The following MSANTD7 variants were observed in gnomAD, a reference collection of about 807,000 sequenced individuals.
The protein encoded by MSANTD7 is zinc finger and SCAN domain containing 29.
chr10:14,839,231 G>A, the MSANTD7 span, among the ~76,000 whole-genome samples: 1 of 152,196 alleles, frequency 6.6e-6, no homozygotes, highest in African/African-American at 2.4e-5. Context: ...AATGTCAAAT[G>A]ACTTGTTAGG....
the MSANTD7 span, chr10:14,846,508 A>G: frequency 4.1e-6 from 4 of 985,398 alleles, no homozygotes; most frequent in Non-Finnish European, 4.8e-6. Context: ...GGAAATTGGA[A>G]TACAGGGAGA....
the MSANTD7 span, chr10:14,846,042 A>G: frequency 7.2e-6 from 7 of 968,498 alleles, no homozygotes; most frequent in Non-Finnish European, 7.4e-6. Flanking sequence ...TACTGGTAAC[A>G]ATTTTAAGGT....
At chr10:14,839,750 A>G in the MSANTD7 span, among the ~76,000 whole-genome samples, 1 of 152,208 alleles carries the variant, frequency 6.6e-6, no homozygotes, top group Admixed American at 6.5e-5. Flanking sequence ...GCTTTCTATG[A>G]AAACGAGGAA....
the MSANTD7 span, chr10:14,842,466 A>T: frequency 2.0e-6 from 3 of 1,536,174 alleles, no homozygotes; most frequent in Non-Finnish European, 2.6e-6. The surrounding 1 kb of genome is among the most constrained non-coding windows in gnomAD (Gnocchi z 5.2). Context: ...ACCGAACGTC[A>T]GTGCCGCTCC....
the MSANTD7 span, among the ~76,000 whole-genome samples, chr10:14,843,157 A>G: frequency 6.6e-6 from 1 of 152,200 alleles, no homozygotes; most frequent in Non-Finnish European, 1.5e-5. Context: ...GCTATGTACA[A>G]AGGGGTTCAG....
the MSANTD7 span, chr10:14,839,847 A>G: frequency 1.5e-6 from 2 of 1,298,576 alleles, no homozygotes; most frequent in Admixed American, 1.8e-5. Flanking sequence ...ACTGGTGCAC[A>G]AATGCACACG....
At chr10:14,842,079 G>A in the MSANTD7 span, 1 of 1,376,190 alleles carries the variant, frequency 7.3e-7, no homozygotes, top group Non-Finnish European at 9.9e-7. The surrounding 1 kb of genome is among the most constrained non-coding windows in gnomAD (Gnocchi z 5.2). Flanking sequence ...TTAACTTGCT[G>A]CCAAAATTAT....
chr10:14,843,134 A>C, the MSANTD7 span, among the ~76,000 whole-genome samples: 1 of 152,284 alleles, frequency 6.6e-6, no homozygotes, highest in African/African-American at 2.4e-5. Context: ...GTAGGTCTAG[A>C]GTGGGTTGGA....
At chr10:14,843,865 C>T in the MSANTD7 span, 1 of 1,536,432 alleles carries the variant, frequency 6.5e-7, no homozygotes, top group Non-Finnish European at 8.7e-7. Flanking sequence ...AAAATTGCTT[C>T]AGAGGTTGAT....
At chr10:14,844,073 A>G in the MSANTD7 span, 1 of 1,425,242 alleles carries the variant, frequency 7.0e-7, no homozygotes, top group African/African-American at 1.4e-5. Context: ...ACCAAATGGA[A>G]GACCTTTCAG....
the MSANTD7 span, chr10:14,843,997 AT>A: frequency 3.4e-5 from 50 of 1,472,202 alleles, no homozygotes; most frequent in Middle Eastern, 8.7e-4. Context: ...AGAAAAAAAC[AT>A]GGATGAACCA....
At chr10:14,843,657 G>T in the MSANTD7 span, 1 of 1,549,260 alleles carries the variant, frequency 6.5e-7, no homozygotes. Context: ...TCGCAGCCGA[G>T]TTGGCAGAAA....
chr10:14,846,340 T>C, the MSANTD7 span: 1 of 985,380 alleles, frequency 1.0e-6, no homozygotes, highest in Non-Finnish European at 1.2e-6. Context: ...AGGGATTTCT[T>C]TGAGATGAAA....
the MSANTD7 span, chr10:14,843,472 G>A: frequency 1.3e-5 from 20 of 1,550,550 alleles, no homozygotes; most frequent in Middle Eastern, 1.7e-4. Flanking sequence ...GGGTGTGTCC[G>A]GGGAGCCCAG....
At chr10:14,844,928 T>C in the MSANTD7 span, 3 of 985,342 alleles carry the variant, frequency 3.0e-6, no homozygotes, top group African/African-American at 3.5e-5. Context: ...ACGTTTCCTT[T>C]TGAGGAGCTT....
chr10:14,841,422 T>G, the MSANTD7 span, among the ~76,000 whole-genome samples: 1 of 152,176 alleles, frequency 6.6e-6, no homozygotes, highest in East Asian at 1.9e-4. Flanking sequence ...GAATTGCAGT[T>G]TCCCATGCTG....
At chr10:14,840,060 T>A in the MSANTD7 span, 47 of 1,199,582 alleles carry the variant, frequency 3.9e-5, no homozygotes, top group South Asian at 2.9e-4. Flanking sequence ...ATATATATAT[T>A]ATTTTTTTTT....
chr10:14,844,244 G>T, the MSANTD7 span: 1 of 1,077,234 alleles, frequency 9.3e-7, no homozygotes, highest in Non-Finnish European at 1.2e-6. Flanking sequence ...TACCTCACAG[G>T]GTTGTTGTGA....
At chr10:14,844,675 A>T in the MSANTD7 span, 1 of 977,208 alleles carries the variant, frequency 1.0e-6, no homozygotes, top group Non-Finnish European at 1.2e-6. Context: ...GTTACGGTTT[A>T]TATCGATAAT....
Sources: allele counts gnomAD v4.1 joint callset (sites outside exome capture counted in the v4.1 genomes callset), GRCh38; gene constraint gnomAD v4.1.1; non-coding constraint Gnocchi (gnomAD v3.1); transcripts MANE v1.5; gene names NCBI Gene and HGNC (gene_info 2026-07-23, HGNC 2026-07-21).